Variants in MATN1 observed in about 807,000 individuals in gnomAD.
MATN1 encodes matrilin-1.
A neutral mutation model predicts 41.3 loss-of-function variants in MATN1; 34 were observed. That is an observed-to-expected ratio of 0.82 (90% CI 0.63 to 1.10). MATN1 has a LOEUF of 1.10. Ranked by LOEUF, MATN1 falls within the 50% of genes least tolerant of loss-of-function variation. MATN1 has a pLI of 0.00. For synonymous variants in MATN1, 264 were observed against 278.7 expected (o/e 0.95, Z 0.53); for missense variants, 602 against 662.4 (o/e 0.91, Z 1.00).
chr1:30,714,156 G>A, intron 7 of MATN1, 91 bp downstream of exon 7: 1 of 1,073,530 alleles, frequency 9.3e-7, no homozygotes, highest in Non-Finnish European at 1.4e-6. Context: ...AGAGAAGCCT[G>A]CCCAACTGAC....
chr1:30,711,432 T>A lies in MATN1; in HGVS notation c.*2150A>T, dbSNP rs1352106255. On this transcript the variant is annotated 3_prime_UTR_variant, in exon 8 of 8. Transcript: ENST00000373765. ...ATCAAACCTAGAGCAGAGAGGGATGTGGGAAGTCCATGGAGAGGACGGATT... is the reference window on the plus strand; with the variant it reads ...ATCAAACCTAGAGCAGAGAGGGATGAGGGAAGTCCATGGAGAGGACGGATT... The A allele has an allele frequency of 6.6e-6, 1 of 152,128 alleles. No homozygotes were observed. Among genetic ancestry groups the A allele is most frequent in the African/African-American group, 2.4e-5 (1 of 41,408 alleles). 9.4% of individuals were successfully genotyped at this position (152,128 alleles called of 1,614,324 possible). A position where few individuals can be genotyped will look rare whatever the true frequency, so the allele number is the denominator to read the frequency against.
rs990515591 is a variant in MATN1, at chr1:30,721,646, A to G, written c.200T>C (p.Val67Ala). 1 of 1,613,360 alleles carries G rather than the reference A, an allele frequency of 6.2e-7. No individual in the cohort carries two copies. The highest frequency in any genetic ancestry group is 1.3e-5 in the African/African-American group (1 of 74,942). ...GGGCCCCACGTCCAGCGACTCGATG[A>G]CCTGGGACAGGAATACCTTCACTTT... ...FEKVKVFLSQ[V>A]IESLDVGPNA... The change falls in exon 2 of 8, where the codon GTC becomes GCC. Residue 67 changes from valine to alanine, a missense_variant. Transcript: ENST00000373765.
chr1:30,716,392 G>A (rs1639619378), intron 4 of MATN1, 67 bp from the exon 5 acceptor site: 2 of 1,495,364 alleles, frequency 1.3e-6, no homozygotes, highest in African/African-American at 1.4e-5. Context: ...CTCCCCGGCT[G>A]GACACCCACC....
At chr1:30,716,397 C>G in intron 4 of MATN1, 72 bp from the exon 5 acceptor site, 1 of 1,448,522 alleles carries the variant, frequency 6.9e-7, no homozygotes. Flanking sequence ...CGGCTGGACA[C>G]CCACCACACA....
At position 30,718,916 on chromosome 1, in the gene MATN1, C is replaced by A. The variant is rs1424100971; in HGVS notation, c.483G>T (p.Val161=). ...VVTDGRPQDS[V]QDVSARARAS... is the part of the protein sequence containing the mutation. Reference sequence around the variant, plus strand: ...CCCGGGCCCGCGCAGACACGTCCTGCACGCTGTCCTGGGGCCTCCCGTCTG... The same window carrying A: ...CCCGGGCCCGCGCAGACACGTCCTGAACGCTGTCCTGGGGCCTCCCGTCTG... Residue 161 remains valine (V), a synonymous_variant, in exon 3 of 8, where the codon GTG becomes GTT. Transcript: ENST00000373765. The A allele has an allele frequency of 6.4e-7, 1 of 1,563,658 alleles. No individual in the cohort carries two copies. Among genetic ancestry groups the A allele is most frequent in the East Asian group, 2.4e-5 (1 of 42,392 alleles).
Position 30,713,538 on chromosome 1 carries a change from C to T in MATN1, c.*44G>A, listed in dbSNP as rs1265483842. On this transcript the variant is annotated 3_prime_UTR_variant, in exon 8 of 8. Coordinates refer to ENST00000373765, the MANE Select transcript of MATN1 (RefSeq NM_002379.3). ...ACTAAAATGGTAAAGCTACGGCGGA[C>T]ACGTGCAGGACGCTTGGAGAGGCCA... The T allele has an allele frequency of 9.7e-6, 15 of 1,548,090 alleles. No homozygotes were observed. The highest frequency in any genetic ancestry group is 1.3e-5 in the Non-Finnish European group (15 of 1,143,656).
intron 2 of MATN1, chr1:30,719,562 C>T (rs1210937546): frequency 6.5e-6 from 1 of 153,352 alleles, no homozygotes; most frequent in Admixed American, 6.5e-5. Context: ...TCCTCCACTC[C>T]CCGGTATGAT....
chr1:30,721,662 C>T lies in MATN1; in HGVS notation c.184G>A (p.Val62Ile), dbSNP rs1395182838. 2.5e-6 allele frequency: 4 copies of T among 1,613,248 alleles called. No homozygotes were observed. In the Admixed American group the frequency reaches 5.0e-5, roughly 20 times the overall value. The change falls in exon 2 of 8, where the codon GTA (valine) becomes ATA (isoleucine). Residue 62 changes from valine (V) to isoleucine (I), a missense_variant. Coordinates refer to ENST00000373765, the MANE Select transcript of MATN1 (RefSeq NM_002379.3). ...VRPVEFEKVK[V>I]FLSQVIESLD... ...GACTCGATGACCTGGGACAGGAATA[C>T]CTTCACTTTCTCAAATTCAACAGGC...
At position 30,718,853 on chromosome 1, in the gene MATN1, G is replaced by C. The variant is rs1163801996; in HGVS notation, c.546C>G (p.Ser182Arg). Residue 182 changes from serine (S) to arginine (R), a missense_variant, in exon 3 of 8, where the codon AGC becomes AGG. Coordinates refer to ENST00000373765, the MANE Select transcript of MATN1 (RefSeq NM_002379.3). ...TCTGCCGCAGCGTGGCCTTGTCCAC[G>C]CTGCCCACTCCGATGGCGAACAGCT... Reference protein sequence around the residue: ...GVELFAIGVGSVDKATLRQIA... With the variant: ...GVELFAIGVGRVDKATLRQIA... The C allele has an allele frequency of 5.0e-6, 8 of 1,607,538 alleles. No individual in the cohort carries two copies. Among genetic ancestry groups the C allele is most frequent in the Non-Finnish European group, 6.8e-6 (8 of 1,178,484 alleles).
intron 6 of MATN1, among the ~76,000 whole-genome samples, 165 bp from the exon 7 acceptor site, chr1:30,714,492 C>A (rs1400378871): frequency 2.0e-5 from 3 of 152,164 alleles, no homozygotes. Flanking sequence ...TGAGACAGCA[C>A]CCTTAGGAGT....
chr1:30,712,664 T>G lies in MATN1; in HGVS notation c.*918A>C, dbSNP rs1272621857. On this transcript the variant is annotated 3_prime_UTR_variant, in exon 8 of 8. Coordinates refer to ENST00000373765, the MANE Select transcript of MATN1 (RefSeq NM_002379.3). ...CATGAGCACCCTGCTCAACTGTATG[T>G]CTCTTAGGGCAGGAACTACGTCTGT... The G allele has an allele frequency of 6.6e-6, 1 of 151,966 alleles. No homozygotes were observed. Among genetic ancestry groups the G allele is most frequent in the Non-Finnish European group, 1.5e-5 (1 of 68,086 alleles). 9.4% of individuals were successfully genotyped at this position (151,966 alleles called of 1,614,324 possible). A position where few individuals can be genotyped will look rare whatever the true frequency, so the allele number is the denominator to read the frequency against.
At chr1:30,717,628 T>A (rs943598547) in intron 3 of MATN1, among the ~76,000 whole-genome samples, 4 of 151,434 alleles carry the variant, frequency 2.6e-5, no homozygotes, top group African/African-American at 4.9e-5. Context: ...GCTCTGTTGT[T>A]TTTTGTGTGT....
chr1:30,721,414 G>C lies in MATN1; in HGVS notation c.432C>G (p.Asp144Glu), dbSNP rs1350869609. 6.2e-7 allele frequency: 1 copy of C among 1,607,652 alleles called. No individual in the cohort carries two copies. The highest frequency in any genetic ancestry group is 8.5e-7 in the Non-Finnish European group (1 of 1,175,098). ...GGTGGCGTGCACGTACCTTGCTGAT[G>C]TCAGGGGACCTGGAACGACCACCCT... Reference protein sequence around the residue: ...DAEGGRSRSPDISKVVIVVTD... With the variant: ...DAEGGRSRSPEISKVVIVVTD... Residue 144 changes from aspartate to glutamate, a missense_variant, in exon 2 of 8, where the codon GAC becomes GAG. Asp to Glu is a conservative substitution (Grantham distance 45). Coordinates refer to ENST00000373765, the MANE Select transcript of MATN1 (RefSeq NM_002379.3).
Position 30,716,849 on chromosome 1 carries a change from GA to G in MATN1, c.730del (p.Ser244ProfsTer12). ...CEQVCISSPG[S>X]YTCACHEGFT... ...GCCCTCGTGGCAGGCGCAGGTGTAGGAACCGGGGGAGCTGATGCACACCTGC... is the reference window on the plus strand; with the variant it reads ...GCCCTCGTGGCAGGCGCAGGTGTAGGACCGGGGGAGCTGATGCACACCTGC... On this transcript the variant is annotated frameshift_variant, in exon 4 of 8. Transcript: ENST00000373765. LOFTEE classifies it high-confidence loss of function. The G allele has an allele frequency of 6.2e-7, 1 of 1,613,890 alleles. No individual in the cohort carries two copies. Among genetic ancestry groups the G allele is most frequent in the Admixed American group, 1.7e-5 (1 of 60,000 alleles).
intron 3 of MATN1, among the ~76,000 whole-genome samples, chr1:30,718,333 C>G (rs1026624635): frequency 5.3e-5 from 8 of 151,890 alleles, no homozygotes; most frequent in African/African-American, 1.9e-4. Flanking sequence ...AGCCCTGGCC[C>G]TGCCCCTGGA....
At position 30,719,179 on chromosome 1, in the gene MATN1, C is replaced by G; in HGVS notation, c.442-222G>C. 6.0e-6 allele frequency: 3 copies of G among 503,820 alleles called. No homozygotes were observed. The South Asian group carries it at 9.5e-5, about 16-fold the overall frequency. The allele number at this position is 503,820 out of a possible 1,614,324, so 31.2% of individuals were successfully genotyped here. ...TGCTTCGCCTCCCTCGGGCAGGCAGCTCTGAGATGCCCGGAGGGATGTGAT... is the reference window on the plus strand; with the variant it reads ...TGCTTCGCCTCCCTCGGGCAGGCAGGTCTGAGATGCCCGGAGGGATGTGAT... On this transcript the variant is annotated intron_variant, in intron 2 of 7. Transcript: ENST00000373765.
At chr1:30,722,261 G>A (rs1149043) in intron 1 of MATN1, among the ~76,000 whole-genome samples, 32,661 of 152,320 alleles carry the variant, frequency 0.21, 4,933 homozygotes, top group African/African-American at 0.42. Flanking sequence ...AGCAGTGCCC[G>A]TCAACATGGC....
intron 4 of MATN1, 35 bp downstream of exon 4, chr1:30,716,755 C>T: frequency 5.0e-6 from 8 of 1,608,612 alleles, no homozygotes; most frequent in Non-Finnish European, 6.8e-6. Context: ...CCCTCCACAC[C>T]CTCTCCAGGG....
At chr1:30,720,927 A>AG in intron 2 of MATN1, 1 of 156,294 alleles carries the variant, frequency 6.4e-6, no homozygotes, top group Non-Finnish European at 1.4e-5. Context: ...TTTTGAACTC[A>AG]GTCCTCAGCA....
Sources: allele counts gnomAD v4.1 joint callset (sites outside exome capture counted in the v4.1 genomes callset), GRCh38; gene constraint gnomAD v4.1.1; transcripts MANE v1.5; gene names NCBI Gene and HGNC (gene_info 2026-07-23, HGNC 2026-07-21).